The following HMGB1 variants were observed in gnomAD, a reference collection of about 807,000 sequenced individuals.
The protein encoded by HMGB1 is high mobility group box 1.
For synonymous variants in HMGB1, 81 were observed against 84.0 expected, an observed-to-expected ratio of 0.96 and a Z score of 0.19; for missense variants, 79 against 253.5, an observed-to-expected ratio of 0.31 and a Z score of 4.67.
rs1555238864 is a variant in HMGB1, at chr13:30,538,663, C to CCTTTCTTTCTTTCCTTT, written c.-14-74970_-14-74969insAAAGGAAAGAAAGAAAG. On this transcript the variant is annotated intron_variant, in intron 1 of 4. Coordinates refer to the HMGB1 transcript ENST00000405805. ...TCTTCCTTTCTTTCTTTCTTTCTTTCCTTTCTTTCTTTCTTTCTTTCCTTT... is the reference window on the plus strand; with the variant it reads ...TCTTCCTTTCTTTCTTTCTTTCTTTCCTTTCTTTCTTTCCTTTCTTTCTTTCTTTCTTTCTTTCCTTT... 6.0e-4 allele frequency among the ~76,000 whole-genome samples: 48 copies of CCTTTCTTTCTTTCCTTT among 80,036 alleles called. 1 individual carries two copies. Among genetic ancestry groups the CCTTTCTTTCTTTCCTTT allele is most frequent in the African/African-American group, 3.4e-3 (43 of 12,468 alleles). The allele number at this position is 80,036 out of a possible 152,430, so 52.5% of individuals were successfully genotyped here. A position where few individuals can be genotyped will look rare whatever the true frequency, so the allele number is the denominator to read the frequency against.
chr13:30,462,492 C>G (rs200788197), intron 4 of HMGB1, 46 bp downstream of exon 4: 36 of 1,438,248 alleles, frequency 2.5e-5, no homozygotes, highest in Non-Finnish European at 3.5e-5. Flanking sequence ...AATCATACAT[C>G]TGGCGTACTT....
At chr13:30,545,692 TG>T (rs1869121246) in intron 1 of HMGB1, among the ~76,000 whole-genome samples, 1 of 152,136 alleles carries the variant, frequency 6.6e-6, no homozygotes, top group Non-Finnish European at 1.5e-5. Flanking sequence ...CATGTATTTT[TG>T]TTTGTTTGTG....
chr13:30,527,040 G>T (rs1057333933), intron 1 of HMGB1, among the ~76,000 whole-genome samples: 2 of 152,236 alleles, frequency 1.3e-5, no homozygotes, highest in Non-Finnish European at 2.9e-5. Context: ...GCCCGGAGGG[G>T]CCGAGCCCGC....
chr13:30,505,460 A>C (rs9508764), intron 1 of HMGB1, among the ~76,000 whole-genome samples: 6 of 149,728 alleles, frequency 4.0e-5, no homozygotes, highest in East Asian at 2.0e-4. Flanking sequence ...TTACAGGTGT[A>C]AGCCACCGCG....
chr13:30,462,484 T>G (rs748413203), intron 4 of HMGB1, 54 bp downstream of exon 4: 12 of 1,384,740 alleles, frequency 8.7e-6, no homozygotes, highest in Non-Finnish European at 2.1e-6. Flanking sequence ...CTAAGTACAA[T>G]CATACATCTG....
At chr13:30,560,952 T>C (rs193186703) in intron 1 of HMGB1, among the ~76,000 whole-genome samples, 97 of 152,108 alleles carry the variant, frequency 6.4e-4, no homozygotes, top group African/African-American at 2.2e-3. Flanking sequence ...TTTTTTTTTT[T>C]TTCTCCAACA....
At chr13:30,498,363 A>C (rs2137449274) in intron 1 of HMGB1, among the ~76,000 whole-genome samples, 1 of 152,246 alleles carries the variant, frequency 6.6e-6, no homozygotes, top group Non-Finnish European at 1.5e-5. Flanking sequence ...TTGTTGGACA[A>C]GTTTGATGGT....
intron 1 of HMGB1, among the ~76,000 whole-genome samples, chr13:30,490,317 A>T (rs1238455646): frequency 1.3e-5 from 2 of 152,080 alleles, no homozygotes; most frequent in African/African-American, 4.8e-5. Flanking sequence ...TAAGTATTTC[A>T]ATTAAGAATT....
At chr13:30,594,992 C>T (rs1461994360) in intron 1 of HMGB1, among the ~76,000 whole-genome samples, 1 of 152,046 alleles carries the variant, frequency 6.6e-6, no homozygotes, top group Non-Finnish European at 1.5e-5. Context: ...AGGTAAAAGG[C>T]ATACAGACGT....
chr13:30,464,728 G>GGCGAGC (rs1886621948), intron 1 of HMGB1: 7 of 539,562 alleles, frequency 1.3e-5, no homozygotes, highest in Middle Eastern at 2.0e-3. Flanking sequence ...CCGCCGCGAG[G>GGCGAGC]GCGAGCGCGA....
intron 1 of HMGB1, among the ~76,000 whole-genome samples, chr13:30,536,563 T>C (rs1261141629): frequency 1.3e-5 from 2 of 152,192 alleles, no homozygotes; most frequent in Non-Finnish European, 2.9e-5. Context: ...TTGGCCAGGC[T>C]GGTCTCGAAC....
chr13:30,501,736 A>C (rs750652610), intron 1 of HMGB1, among the ~76,000 whole-genome samples: 1 of 152,160 alleles, frequency 6.6e-6, no homozygotes, highest in African/African-American at 2.4e-5. Flanking sequence ...GTGCAAGTAC[A>C]TCAGGGAAGG....
intron 1 of HMGB1, among the ~76,000 whole-genome samples, chr13:30,599,605 C>T (rs925390511): frequency 3.9e-5 from 6 of 152,296 alleles, no homozygotes; most frequent in Admixed American, 3.9e-4. Context: ...GTTTCTGAGG[C>T]CTCTCTCCTT....
At chr13:30,570,245 G>A (rs1348816568) in intron 1 of HMGB1, among the ~76,000 whole-genome samples, 1 of 152,218 alleles carries the variant, frequency 6.6e-6, no homozygotes, top group Non-Finnish European at 1.5e-5. Flanking sequence ...TTGAGGCCAG[G>A]AGTTTAAGCC....
intron 1 of HMGB1, among the ~76,000 whole-genome samples, chr13:30,501,009 A>C (rs1053129174): frequency 1.3e-5 from 2 of 151,778 alleles, no homozygotes; most frequent in African/African-American, 2.4e-5. Flanking sequence ...TTTTTTGCAG[A>C]CATGGGGTAT....
intron 1 of HMGB1, among the ~76,000 whole-genome samples, chr13:30,612,643 C>A (rs975118167): frequency 2.0e-5 from 3 of 152,302 alleles, no homozygotes; most frequent in South Asian, 2.1e-4. Context: ...GAAAGTAAGA[C>A]TACCTATGTC....
At chr13:30,491,739 T>C (rs1461724787) in intron 1 of HMGB1, among the ~76,000 whole-genome samples, 3 of 150,816 alleles carry the variant, frequency 2.0e-5, no homozygotes, top group Non-Finnish European at 4.4e-5. Flanking sequence ...TCAAAATGAA[T>C]GCGAGACCTA....
chr13:30,517,569 T>G (rs1161769949), intron 1 of HMGB1, among the ~76,000 whole-genome samples: 1 of 152,208 alleles, frequency 6.6e-6, no homozygotes, highest in Non-Finnish European at 1.5e-5. Flanking sequence ...AATTTTTGTA[T>G]TTTTAGTAGA....
intron 3 of HMGB1, 117 bp from the exon 4 acceptor site, chr13:30,462,829 A>C: frequency 1.3e-6 from 1 of 788,494 alleles, no homozygotes; most frequent in East Asian, 2.6e-5. Context: ...TGCATTGGAC[A>C]GGGTGCAAAT....
Sources: gnomAD v4.1 joint callset for allele counts (sites outside exome capture counted in the v4.1 genomes callset) on GRCh38, gnomAD v4.1.1 for gene constraint, MANE v1.5 for transcripts, NCBI Gene and HGNC (gene_info 2026-07-23, HGNC 2026-07-21) for gene names.